NELL1: variants seen among roughly 807,000 people sequenced by gnomAD.
NELL1 encodes protein kinase C-binding protein NELL1.
A neutral mutation model predicts 107.4 loss-of-function variants in NELL1; 76 were observed. The observed-to-expected ratio is 0.71, with a 90% CI of 0.59 to 0.86. The LOEUF is 0.86. Among genes scored for constraint, NELL1 ranks in the 40% least tolerant of loss-of-function variants. The pLI is 0.00. For synonymous variants in NELL1, 353 were observed against 341.2 expected (o/e 1.03, Z -0.38); for missense variants, 1,024 against 1,005.5 (o/e 1.02, Z -0.25).
chr11:21,211,063 G>T (rs1467913101), intron 13 of NELL1, among the ~76,000 whole-genome samples: 1 of 152,088 alleles, frequency 6.6e-6, no homozygotes, highest in African/African-American at 2.4e-5. Context: ...GAAATATGTG[G>T]TTTCTATTAA....
intron 2 of NELL1, among the ~76,000 whole-genome samples, chr11:20,727,697 C>A (rs1855539659): frequency 6.6e-6 from 1 of 152,128 alleles, no homozygotes; most frequent in Non-Finnish European, 1.5e-5. Flanking sequence ...ATGGTATTGC[C>A]TAGGTTTTCT....
chr11:21,225,461 A>C (rs746313169), intron 13 of NELL1, among the ~76,000 whole-genome samples: 2 of 152,156 alleles, frequency 1.3e-5, no homozygotes, highest in African/African-American at 2.4e-5. Context: ...GCTTGAAACA[A>C]ATTGATACCG....
intron 14 of NELL1, among the ~76,000 whole-genome samples, chr11:21,310,740 A>G (rs1445434999): frequency 6.6e-6 from 1 of 152,014 alleles, no homozygotes; most frequent in African/African-American, 2.4e-5. Flanking sequence ...TAGGCTATGT[A>G]TAGAATGGAA....
At chr11:21,329,371 A>G (rs1432773514) in intron 14 of NELL1, among the ~76,000 whole-genome samples, 1 of 152,090 alleles carries the variant, frequency 6.6e-6, no homozygotes, top group Non-Finnish European at 1.5e-5. Context: ...TGTAAGTTTC[A>G]TGAGACCTCC....
At chr11:21,494,728 T>C (rs188040591) in intron 15 of NELL1, among the ~76,000 whole-genome samples, 10 of 152,098 alleles carry the variant, frequency 6.6e-5, no homozygotes, top group African/African-American at 2.4e-4. Context: ...AAATAACAAA[T>C]TGTGAAATAT....
At chr11:20,989,590 G>C (rs1052608469) in intron 12 of NELL1, among the ~76,000 whole-genome samples, 2 of 152,052 alleles carry the variant, frequency 1.3e-5, no homozygotes, top group African/African-American at 4.8e-5. Flanking sequence ...AATTAGCTGG[G>C]GTATAAAGCA....
chr11:20,976,119 T>C (rs1564995907), intron 12 of NELL1, among the ~76,000 whole-genome samples: 1 of 145,386 alleles, frequency 6.9e-6, no homozygotes, highest in East Asian at 2.0e-4. Context: ...TGTACATATA[T>C]GTATTATGTA....
chr11:21,185,976 T>A (rs16907627), intron 13 of NELL1, among the ~76,000 whole-genome samples: 14,199 of 151,762 alleles, frequency 0.094, 954 homozygotes, highest in African/African-American at 0.16. Flanking sequence ...AGAAAGGGAC[T>A]GAAACCAAGG....
intron 13 of NELL1, among the ~76,000 whole-genome samples, chr11:21,148,065 G>A (rs376131906): frequency 4.7e-4 from 71 of 152,172 alleles, no homozygotes; most frequent in African/African-American, 1.3e-3. Flanking sequence ...TCCTAGTACC[G>A]TTTGACGAGT....
chr11:20,705,367 T>G (rs1165344627), intron 2 of NELL1, among the ~76,000 whole-genome samples: 2 of 152,050 alleles, frequency 1.3e-5, no homozygotes, highest in Admixed American at 1.3e-4. Flanking sequence ...GCCGCATATC[T>G]ACAACCATCT....
chr11:20,806,055 G>GT (rs200685925), intron 3 of NELL1, among the ~76,000 whole-genome samples: 2,634 of 149,302 alleles, frequency 0.018, 28 homozygotes, highest in South Asian at 0.032. Flanking sequence ...AATATCCTGT[G>GT]TTTTTTTGTG....
intron 5 of NELL1, among the ~76,000 whole-genome samples, chr11:20,904,448 A>T (rs1849948256): frequency 6.6e-6 from 1 of 152,170 alleles, no homozygotes. Context: ...TTTCAAATCT[A>T]ACAAACACCA....
intron 2 of NELL1, among the ~76,000 whole-genome samples, chr11:20,750,192 T>G (rs992205347): frequency 5.9e-5 from 9 of 152,218 alleles, no homozygotes; most frequent in African/African-American, 2.2e-4. Flanking sequence ...TGACTAATGA[T>G]GTTTAGCATC....
chr11:21,434,816 T>G (rs961397631), intron 15 of NELL1, among the ~76,000 whole-genome samples: 1 of 152,154 alleles, frequency 6.6e-6, no homozygotes, highest in African/African-American at 2.4e-5. Flanking sequence ...TAATATTAAC[T>G]GTCCTATTCC....
chr11:20,828,043 G>A (rs946841866), intron 3 of NELL1, among the ~76,000 whole-genome samples: 1 of 151,250 alleles, frequency 6.6e-6, no homozygotes, highest in African/African-American at 2.4e-5. Flanking sequence ...GTGTCATGGA[G>A]CAGAAAGGGC....
At chr11:21,485,370 C>T (rs1446124266) in intron 15 of NELL1, among the ~76,000 whole-genome samples, 1 of 152,102 alleles carries the variant, frequency 6.6e-6, no homozygotes, top group African/African-American at 2.4e-5. Flanking sequence ...CCATAGCTGT[C>T]TGCCTATTCT....
chr11:21,240,051 C>T (rs1274022389), intron 14 of NELL1, among the ~76,000 whole-genome samples: 5 of 152,020 alleles, frequency 3.3e-5, no homozygotes, highest in Non-Finnish European at 7.4e-5. Context: ...CATTCCTCCT[C>T]ATAAGGGCAA....
chr11:21,005,681 A>C (rs537108704), intron 12 of NELL1, among the ~76,000 whole-genome samples: 2 of 152,312 alleles, frequency 1.3e-5, no homozygotes, highest in African/African-American at 4.8e-5. Context: ...TCATTAACTC[A>C]CAATGGCATT....
At chr11:21,340,875 A>T (rs528882667) in intron 14 of NELL1, among the ~76,000 whole-genome samples, 1 of 152,278 alleles carries the variant, frequency 6.6e-6, no homozygotes, top group South Asian at 2.1e-4. Flanking sequence ...CAGTAAATTT[A>T]TGCTGTTTAG....
Sources: allele counts gnomAD v4.1 joint callset (sites outside exome capture counted in the v4.1 genomes callset), GRCh38; gene constraint gnomAD v4.1.1; transcripts MANE v1.5; gene names NCBI Gene and HGNC (gene_info 2026-07-23, HGNC 2026-07-21).